EPS15: variants seen among roughly 807,000 people sequenced by gnomAD.
The protein encoded by EPS15 is epidermal growth factor receptor pathway substrate 15.
Under a neutral mutation model 113.8 loss-of-function variants are expected in EPS15, and 72 were observed. The observed-to-expected ratio is 0.63, with a 90% CI of 0.52 to 0.77. The LOEUF (loss-of-function observed/expected upper bound fraction) is 0.77, where lower values mean the gene tolerates loss of function less well. EPS15 is among the 30% of genes least tolerant of loss of function. The probability of loss-of-function intolerance (pLI) is 0.00; values close to 1 mark genes in which losing one functional copy is unlikely to be tolerated. For synonymous variants in EPS15, 344 were observed against 363.4 expected, an observed-to-expected ratio of 0.95 and a Z score of 0.61; for missense variants, 1,048 against 1,045.8, an observed-to-expected ratio of 1.00 and a Z score of -0.03.
rs370014043 is a variant in EPS15, at chr1:51,408,339, T to C, written c.1276-7A>G. On this transcript the variant is annotated splice_region_variant and splice_polypyrimidine_tract_variant and intron_variant, in intron 14 of 24. Coordinates refer to ENST00000371733, the MANE Select transcript of EPS15 (RefSeq NM_001981.3). Reference sequence around the variant, plus strand: ...CAGCTTTCAGAGAAGAGATCTATAATGTGAAAGTGAATGAGAAGAAATGGG... The same window carrying C: ...CAGCTTTCAGAGAAGAGATCTATAACGTGAAAGTGAATGAGAAGAAATGGG... 3.8e-6 allele frequency: 6 copies of C among 1,595,826 alleles called. No individual in the cohort carries two copies. Among genetic ancestry groups the C allele is most frequent in the Admixed American group, 1.7e-5 (1 of 59,960 alleles).
At chr1:51,477,998 C>T (rs1167450382) in intron 2 of EPS15, among the ~76,000 whole-genome samples, 6 of 152,072 alleles carry the variant, frequency 3.9e-5, no homozygotes, top group African/African-American at 1.4e-4. Context: ...AGTTCAATTC[C>T]TGGATATCCT....
At chr1:51,370,235 T>C (rs1570102935) in intron 21 of EPS15, among the ~76,000 whole-genome samples, 1 of 152,246 alleles carries the variant, frequency 6.6e-6, no homozygotes, top group East Asian at 1.9e-4. Flanking sequence ...TAAACAAACC[T>C]ACTGTGTTGC....
intron 21 of EPS15, among the ~76,000 whole-genome samples, chr1:51,385,814 T>A (rs1308678737): frequency 6.6e-6 from 1 of 152,200 alleles, no homozygotes; most frequent in Admixed American, 6.5e-5. Flanking sequence ...AATATGAATT[T>A]TTTTTATGAT....
chr1:51,409,801 T>C, intron 13 of EPS15, 105 bp from the exon 14 acceptor site: 2 of 752,568 alleles, frequency 2.7e-6, no homozygotes, highest in South Asian at 3.3e-5. Context: ...TTACTGAGTA[T>C]ACTGTGTTGA....
Position 51,400,936 on chromosome 1 carries a change from C to T in EPS15, c.1900G>A (p.Asp634Asn). 6.3e-7 allele frequency: 1 copy of T among 1,587,666 alleles called. No individual in the cohort carries two copies. Among genetic ancestry groups the T allele is most frequent in the Non-Finnish European group, 8.6e-7 (1 of 1,166,168 alleles). ...PFVGSDPFKD[D>N]PFGKIDPFGG... ...TACTGACCGATTTTTCCAAAAGGAT[C>T]ATCCTTGAAAGGATCACCTGTGATA... Residue 634 changes from aspartate (D) to asparagine (N), a missense_variant, in exon 19 of 25, where the codon GAT becomes AAT. Coordinates refer to ENST00000371733, the MANE Select transcript of EPS15 (RefSeq NM_001981.3).
intron 5 of EPS15, among the ~76,000 whole-genome samples, chr1:51,467,592 A>G (rs966011228): frequency 7.9e-5 from 12 of 152,316 alleles, no homozygotes; most frequent in South Asian, 2.1e-4. Flanking sequence ...GGAGTCCCCA[A>G]TCCCTGGGCC....
At chr1:51,452,194 A>AT in intron 8 of EPS15, among the ~76,000 whole-genome samples, 1 of 151,834 alleles carries the variant, frequency 6.6e-6, no homozygotes, top group Middle Eastern at 3.2e-3. Flanking sequence ...CTCTTGTTAA[A>AT]TTTTTTCTTC....
At chr1:51,488,936 T>C (rs1455675262) in intron 1 of EPS15, among the ~76,000 whole-genome samples, 3 of 152,136 alleles carry the variant, frequency 2.0e-5, no homozygotes, top group African/African-American at 7.2e-5. Flanking sequence ...CTGGCTAGAA[T>C]ACAGATATAG....
At chr1:51,509,760 T>C (rs1055968301) in intron 1 of EPS15, among the ~76,000 whole-genome samples, 1 of 152,236 alleles carries the variant, frequency 6.6e-6, no homozygotes, top group Non-Finnish European at 1.5e-5. Context: ...CACTATAACT[T>C]CGTGCAACAA....
At chr1:51,509,281 T>C (rs1644577773) in intron 1 of EPS15, among the ~76,000 whole-genome samples, 1 of 149,864 alleles carries the variant, frequency 6.7e-6, no homozygotes, top group South Asian at 2.1e-4. Flanking sequence ...GCTATATCTA[T>C]GTTGTACCTA....
chr1:51,415,706 G>T (rs763606018), intron 13 of EPS15, among the ~76,000 whole-genome samples: 57 of 142,290 alleles, frequency 4.0e-4, no homozygotes, highest in Non-Finnish European at 6.8e-4. Flanking sequence ...TGAGGCAGGA[G>T]AATCACTTAA....
chr1:51,489,196 T>A (rs1470044679), intron 1 of EPS15, among the ~76,000 whole-genome samples: 4 of 150,810 alleles, frequency 2.7e-5, no homozygotes, highest in East Asian at 1.9e-4. Context: ...GGAAAAAATA[T>A]GTTATTATAA....
intron 4 of EPS15, 129 bp from the exon 5 acceptor site, chr1:51,468,697 A>G: frequency 3.2e-6 from 2 of 628,154 alleles, no homozygotes; most frequent in Non-Finnish European, 5.6e-6. Flanking sequence ...AGCAACAAGT[A>G]GCATATTTGC....
intron 21 of EPS15, among the ~76,000 whole-genome samples, chr1:51,383,268 A>C (rs1251249364): frequency 6.6e-6 from 1 of 152,242 alleles, no homozygotes; most frequent in Non-Finnish European, 1.5e-5. Context: ...GCCAACAGTG[A>C]ATATCACATT....
At chr1:51,379,675 C>T (rs1015924983) in intron 21 of EPS15, among the ~76,000 whole-genome samples, 5 of 150,716 alleles carry the variant, frequency 3.3e-5, no homozygotes, top group African/African-American at 4.9e-5. Context: ...CCAGCACTTT[C>T]GGAGGCCAAG....
At chr1:51,499,172 C>T (rs1382295317) in intron 1 of EPS15, among the ~76,000 whole-genome samples, 1 of 152,182 alleles carries the variant, frequency 6.6e-6, no homozygotes, top group Non-Finnish European at 1.5e-5. Flanking sequence ...TCTGTTCTTT[C>T]TAAATTGCCC....
rs753288696 is a variant in EPS15, at chr1:51,417,017, C to T, written c.1113+4769G>A. 2.6e-5 allele frequency among the ~76,000 whole-genome samples: 4 copies of T among 152,026 alleles called. No homozygotes were observed. In the South Asian group the frequency reaches 8.3e-4, roughly 32 times the overall value. ...TTTAAGTCAATGAACAGAAAGGAAG[C>T]CTAATAAACTAGGGTGGGTGTTAGA... On this transcript the variant is annotated intron_variant, in intron 13 of 24. Transcript: ENST00000371733.
intron 12 of EPS15, among the ~76,000 whole-genome samples, chr1:51,439,963 ATATC>A (rs1652456232): frequency 6.6e-6 from 1 of 152,078 alleles, no homozygotes; most frequent in Non-Finnish European, 1.5e-5. Context: ...TGTTATTCAA[ATATC>A]TAAGGTTGGA....
chr1:51,357,426 ATTTT>A lies in EPS15; in HGVS notation c.2545-584_2545-581del, dbSNP rs570842498. Among the ~76,000 whole-genome samples, 73 of 53,512 alleles carry A rather than the reference ATTTT, an allele frequency of 1.4e-3. 1 individual carries two copies. The highest frequency in any genetic ancestry group is 2.8e-3 in the South Asian group (3 of 1,086). 35.1% of individuals were successfully genotyped at this position (53,512 alleles called of 152,430 possible). The stretch of plus-strand genomic sequence containing the variant: ...TATATATATATATATATATATATAT[ATTTT>A]TTTTTTTTAAATGTGATATATATAT... On this transcript the variant is annotated intron_variant, in intron 24 of 24. Transcript: ENST00000371733.
Sources: gnomAD v4.1 joint callset for allele counts (sites outside exome capture counted in the v4.1 genomes callset) on GRCh38, gnomAD v4.1.1 for gene constraint, MANE v1.5 for transcripts, NCBI Gene and HGNC (gene_info 2026-07-23, HGNC 2026-07-21) for gene names.